Variants in SPATA17 observed in about 807,000 individuals in gnomAD.
SPATA17 encodes spermatogenesis associated 17.
Under a neutral mutation model 62.2 loss-of-function variants are expected in SPATA17, and 53 were observed. The ratio of observed to expected loss-of-function variants is 0.85; its 90% confidence interval spans 0.68 to 1.07. The LOEUF (loss-of-function observed/expected upper bound fraction) is 1.07. Ranked by LOEUF, SPATA17 falls within the 50% of genes least tolerant of loss-of-function variation. The pLI, the probability that SPATA17 is intolerant of heterozygous loss-of-function variation, is 0.00. For synonymous variants in SPATA17, 146 were observed against 146.8 expected, an observed-to-expected ratio of 0.99 and a Z score of 0.04; for missense variants, 466 against 425.5, an observed-to-expected ratio of 1.10 and a Z score of -0.84.
chr1:217,806,195 C>CT (rs1304672976), intron 9 of SPATA17, among the ~76,000 whole-genome samples: 1 of 152,202 alleles, frequency 6.6e-6, no homozygotes, highest in Non-Finnish European at 1.5e-5. Context: ...GAAAATAATC[C>CT]TTTTTGGTTC....
chr1:217,716,821 T>C (rs1218974484), intron 5 of SPATA17, among the ~76,000 whole-genome samples: 4 of 152,222 alleles, frequency 2.6e-5, no homozygotes, highest in African/African-American at 9.6e-5. Flanking sequence ...TGGAGGGCAA[T>C]CACAGCAAGT....
intron 5 of SPATA17, among the ~76,000 whole-genome samples, chr1:217,689,221 C>CTT (rs200885875): frequency 0.026 from 2,674 of 102,494 alleles, 144 homozygotes; most frequent in African/African-American, 0.031. Context: ...TTTATTATGT[C>CTT]TTTTTTTTTT....
intron 7 of SPATA17, among the ~76,000 whole-genome samples, chr1:217,778,682 G>C (rs1673656568): frequency 6.6e-6 from 1 of 152,108 alleles, no homozygotes; most frequent in Non-Finnish European, 1.5e-5. Context: ...TTCTGAGCTG[G>C]AAACACCATG....
chr1:217,769,419 A>G (rs981709725), intron 6 of SPATA17, among the ~76,000 whole-genome samples: 1 of 152,178 alleles, frequency 6.6e-6, no homozygotes, highest in African/African-American at 2.4e-5. Flanking sequence ...TTTTTGAAAT[A>G]CCCTCTTATC....
intron 7 of SPATA17, among the ~76,000 whole-genome samples, chr1:217,776,102 G>A (rs559601200): frequency 3.3e-5 from 5 of 152,156 alleles, no homozygotes; most frequent in Non-Finnish European, 7.4e-5. Context: ...TTGAGAATTT[G>A]AGACAGCTCA....
At chr1:217,834,655 A>G (rs1675220797) in intron 9 of SPATA17, among the ~76,000 whole-genome samples, 1 of 152,198 alleles carries the variant, frequency 6.6e-6, no homozygotes, top group African/African-American at 2.4e-5. Flanking sequence ...TGTTATTAGA[A>G]AAGAGTGAAA....
At chr1:217,820,416 G>T (rs1674830631) in intron 9 of SPATA17, among the ~76,000 whole-genome samples, 1 of 151,964 alleles carries the variant, frequency 6.6e-6, no homozygotes, top group Non-Finnish European at 1.5e-5. Context: ...AATGGCAGTG[G>T]ATTTGGAGAG....
Position 217,863,811 on chromosome 1 carries a change from G to T in SPATA17, c.*2+955G>T, listed in dbSNP as rs577368781. ...CAGCCAAATTTAAAGAATGTATTGG[G>T]TGAAGACAGCAAAGATCACTGCAGT... On this transcript the variant is annotated intron_variant, in intron 10 of 10. Coordinates refer to ENST00000366933, the MANE Select transcript of SPATA17 (RefSeq NM_138796.4). Among the ~76,000 whole-genome samples, 383 of 152,270 alleles carry T rather than the reference G, an allele frequency of 2.5e-3. 2 individuals are homozygous for T. The highest frequency in any genetic ancestry group is 8.8e-3 in the African/African-American group (365 of 41,552).
intron 9 of SPATA17, among the ~76,000 whole-genome samples, chr1:217,827,534 A>C (rs942521998): frequency 6.6e-6 from 1 of 152,156 alleles, no homozygotes; most frequent in East Asian, 1.9e-4. Context: ...ATTGCTGGGC[A>C]TATACCCAAA....
chr1:217,826,334 T>C (rs1165419990), intron 9 of SPATA17, among the ~76,000 whole-genome samples: 1 of 152,124 alleles, frequency 6.6e-6, no homozygotes, highest in Non-Finnish European at 1.5e-5. Context: ...TATCATCTCT[T>C]TGTAGGCCCA....
intron 4 of SPATA17, among the ~76,000 whole-genome samples, chr1:217,681,509 G>A (rs944167336): frequency 2.0e-4 from 31 of 152,060 alleles, no homozygotes; most frequent in African/African-American, 7.5e-4. Flanking sequence ...AAGTAGCTGG[G>A]ACTACAGGCG....
chr1:217,811,381 A>G (rs1674583316), intron 9 of SPATA17, among the ~76,000 whole-genome samples: 7 of 152,176 alleles, frequency 4.6e-5, no homozygotes, highest in Admixed American at 4.6e-4. Context: ...TACTCCATAC[A>G]AAACCATGTA....
At chr1:217,751,383 C>T (rs547414842) in intron 6 of SPATA17, among the ~76,000 whole-genome samples, 33 of 152,252 alleles carry the variant, frequency 2.2e-4, no homozygotes, top group Admixed American at 6.5e-4. Context: ...AGAGATCTGA[C>T]CCACGATCTT....
rs1036381091 is a variant in SPATA17 at position 217,631,462 on chromosome 1, A to T, written c.68+16A>T. Reference sequence around the variant, plus strand: ...TTAGGAACAGGTAAGTCAGGAAGAGAAGGATCGCGTAAAGGGCGGGCGTGA... The same window carrying T: ...TTAGGAACAGGTAAGTCAGGAAGAGTAGGATCGCGTAAAGGGCGGGCGTGA... On this transcript the variant is annotated intron_variant, in intron 1 of 10. Transcript: ENST00000366933. 1.9e-6 allele frequency: 3 copies of T among 1,613,970 alleles called. No individual in the cohort carries two copies. Among genetic ancestry groups the T allele is most frequent in the Non-Finnish European group, 2.5e-6 (3 of 1,179,886 alleles).
chr1:217,726,594 A>C (rs1672262317), intron 5 of SPATA17, among the ~76,000 whole-genome samples: 1 of 152,132 alleles, frequency 6.6e-6, no homozygotes, highest in African/African-American at 2.4e-5. Context: ...CTTTAAATTA[A>C]ATTGAACCTG....
chr1:217,839,622 A>G (rs553599810), intron 9 of SPATA17, among the ~76,000 whole-genome samples: 1 of 152,228 alleles, frequency 6.6e-6, no homozygotes, highest in Non-Finnish European at 1.5e-5. Context: ...AGTGGTAGAA[A>G]GCTAATAAAA....
At chr1:217,780,099 CATAGATAT>C (rs772859163) in intron 7 of SPATA17, among the ~76,000 whole-genome samples, 2 of 151,878 alleles carry the variant, frequency 1.3e-5, no homozygotes, top group Admixed American at 6.6e-5. Flanking sequence ...GAAAGATACA[CATAGATAT>C]ATAGATATAT....
intron 1 of SPATA17, among the ~76,000 whole-genome samples, chr1:217,634,958 C>T (rs768247727): frequency 5.9e-5 from 9 of 151,992 alleles, no homozygotes; most frequent in African/African-American, 1.2e-4. Flanking sequence ...TAATTCCTAG[C>T]TTCATTTCTG....
rs188113454 is a variant in SPATA17, at chr1:217,773,427, T to C, written c.520-907T>C. 2.4e-3 allele frequency among the ~76,000 whole-genome samples: 369 copies of C among 152,272 alleles called. 2 individuals carry two copies. The highest frequency in any genetic ancestry group is 0.017 in the Middle Eastern group (5 of 294). ...ATTTACATATACACATATGTGTATA[T>C]GTTTTGATATAAGGCTTCATGGAAC... On this transcript the variant is annotated intron_variant, in intron 6 of 10. Coordinates refer to ENST00000366933, the MANE Select transcript of SPATA17 (RefSeq NM_138796.4).
Sources: gnomAD v4.1 joint callset for allele counts (sites outside exome capture counted in the v4.1 genomes callset) on GRCh38, gnomAD v4.1.1 for gene constraint, MANE v1.5 for transcripts, NCBI Gene and HGNC (gene_info 2026-07-23, HGNC 2026-07-21) for gene names.